The following TMEFF2 variants were observed in gnomAD, a reference collection of about 807,000 sequenced individuals.
TMEFF2 encodes transmembrane protein with EGF like and two follistatin like domains 2, also known as tomoregulin-2.
A neutral mutation model predicts 53.8 loss-of-function variants in TMEFF2; 28 were observed. The ratio of observed to expected loss-of-function variants is 0.52; its 90% CI spans 0.39 to 0.71. The LOEUF (loss-of-function observed/expected upper bound fraction) is 0.71, where lower values mean the gene tolerates loss of function less well. TMEFF2 is among the 30% of genes least tolerant of loss of function. The probability of loss-of-function intolerance (pLI) is 0.00; values close to 1 mark genes in which losing one functional copy is unlikely to be tolerated. For synonymous variants in TMEFF2, 162 were observed against 166.3 expected (o/e 0.97, Z 0.20); for missense variants, 353 against 455.2 (o/e 0.78, Z 2.04).
intron 5 of TMEFF2, among the ~76,000 whole-genome samples, chr2:192,018,591 G>A (rs1192936056): frequency 6.6e-6 from 1 of 152,010 alleles, no homozygotes; most frequent in Non-Finnish European, 1.5e-5. Context: ...ATGCTGGGTG[G>A]GGATCAGCTG....
At chr2:192,150,030 C>A (rs976626242) in intron 4 of TMEFF2, among the ~76,000 whole-genome samples, 6 of 151,938 alleles carry the variant, frequency 3.9e-5, no homozygotes, top group African/African-American at 1.4e-4. Context: ...TGTTGCCAGG[C>A]ACTATTTAGA....
At chr2:192,031,175 A>C (rs897435536) in intron 5 of TMEFF2, among the ~76,000 whole-genome samples, 3 of 152,204 alleles carry the variant, frequency 2.0e-5, no homozygotes, top group Admixed American at 6.5e-5. Flanking sequence ...ACTCTTGTCC[A>C]ATATATCCTA....
At chr2:192,005,745 C>T (rs932121905) in intron 5 of TMEFF2, among the ~76,000 whole-genome samples, 3 of 152,096 alleles carry the variant, frequency 2.0e-5, no homozygotes, top group African/African-American at 7.2e-5. Context: ...TGATCCCTGT[C>T]AGATCTGTAA....
intron 4 of TMEFF2, among the ~76,000 whole-genome samples, chr2:192,070,034 A>C: frequency 8.4e-6 from 1 of 119,108 alleles, no homozygotes; most frequent in Non-Finnish European, 1.7e-5. Flanking sequence ...ATATATATAT[A>C]TATATATATG....
At chr2:192,062,134 C>T (rs76189033) in intron 4 of TMEFF2, among the ~76,000 whole-genome samples, 2,045 of 152,100 alleles carry the variant, frequency 0.013, 58 homozygotes, top group African/African-American at 0.046. Flanking sequence ...CAGAAAGTTC[C>T]CTGGTTACCC....
chr2:192,051,433 C>T (rs556355697), intron 5 of TMEFF2, among the ~76,000 whole-genome samples: 6 of 152,202 alleles, frequency 3.9e-5, no homozygotes, highest in Admixed American at 2.6e-4. Context: ...CCAAGTCTGA[C>T]CTTTTTACTT....
At chr2:192,075,228 A>G (rs12998399) in intron 4 of TMEFF2, among the ~76,000 whole-genome samples, 47,141 of 141,360 alleles carry the variant, frequency 0.33, 8,260 homozygotes, top group Non-Finnish European at 0.38. Flanking sequence ...TATAGTTTGG[A>G]TTAGCATGCC....
intron 5 of TMEFF2, among the ~76,000 whole-genome samples, chr2:192,002,038 T>TTTATTTATTA (rs112135470): frequency 6.8e-6 from 1 of 148,136 alleles, no homozygotes; most frequent in African/African-American, 2.5e-5. Context: ...TTATTTATTA[T>TTTATTTATTA]TTTTCAGTTT....
intron 8 of TMEFF2, among the ~76,000 whole-genome samples, chr2:191,955,414 C>A (rs1692043210): frequency 6.7e-6 from 1 of 150,214 alleles, no homozygotes. Flanking sequence ...AGTGGTGTGA[C>A]CATAGCTCAC....
chr2:192,041,790 C>T (rs546515955), intron 5 of TMEFF2, among the ~76,000 whole-genome samples: 3 of 152,098 alleles, frequency 2.0e-5, no homozygotes, highest in South Asian at 2.1e-4. Flanking sequence ...CTAGGGAAGC[C>T]GTAGAAAAGG....
chr2:191,984,219 A>T (rs746360123), intron 7 of TMEFF2, among the ~76,000 whole-genome samples: 2 of 152,136 alleles, frequency 1.3e-5, no homozygotes, highest in Admixed American at 6.6e-5. Flanking sequence ...TATACAAGGG[A>T]TATTAGCTAT....
At chr2:192,087,923 A>T (rs1383489095) in intron 4 of TMEFF2, among the ~76,000 whole-genome samples, 1 of 152,194 alleles carries the variant, frequency 6.6e-6, no homozygotes, top group East Asian at 1.9e-4. Context: ...TTTACTTATA[A>T]AGAATTAAAT....
intron 4 of TMEFF2, among the ~76,000 whole-genome samples, chr2:192,152,320 T>C (rs1225145517): frequency 6.6e-6 from 1 of 151,944 alleles, no homozygotes; most frequent in Non-Finnish European, 1.5e-5. Context: ...CTATATGGTT[T>C]TCAATTCACC....
At chr2:192,079,717 TA>T (rs1688510526) in intron 4 of TMEFF2, among the ~76,000 whole-genome samples, 1 of 152,212 alleles carries the variant, frequency 6.6e-6, no homozygotes, top group South Asian at 2.1e-4. Context: ...ATCAGCTTTC[TA>T]AAAATAAATT....
At chr2:192,072,775 G>A (rs1260975096) in intron 4 of TMEFF2, among the ~76,000 whole-genome samples, 4 of 151,922 alleles carry the variant, frequency 2.6e-5, no homozygotes, top group Non-Finnish European at 5.9e-5. Flanking sequence ...GGTATTGACA[G>A]CATTTTTAAA....
chr2:191,994,758 T>C (rs1449594844), intron 7 of TMEFF2, among the ~76,000 whole-genome samples: 2 of 151,976 alleles, frequency 1.3e-5, no homozygotes, highest in African/African-American at 2.4e-5. Context: ...TCTGTGGGTG[T>C]AGAGACAGAC....
chr2:192,118,657 TTA>T (rs1266650173), intron 4 of TMEFF2, among the ~76,000 whole-genome samples: 1 of 152,142 alleles, frequency 6.6e-6, no homozygotes, highest in Non-Finnish European at 1.5e-5. Context: ...TTTTAAAAAA[TTA>T]TAACAATTTG....
rs144271360 is a variant in TMEFF2 at position 192,134,688 on chromosome 2, T to C, written c.439+44980A>G. Among the ~76,000 whole-genome samples the C allele has an allele frequency of 4.6e-5, 7 of 152,292 alleles. No individual in the cohort carries two copies. In the East Asian group the frequency reaches 9.6e-4, roughly 21 times the overall value. ...ATGCCCTGAGTCACAAAAACTAAAA[T>C]GCCTCTTAGTCTAAGTAGACACTTT... On this transcript the variant is annotated intron_variant, in intron 4 of 9. Coordinates refer to ENST00000272771, the MANE Select transcript of TMEFF2 (RefSeq NM_016192.4).
At chr2:191,969,566 AG>A (rs1313954770) in intron 7 of TMEFF2, among the ~76,000 whole-genome samples, 5 of 152,202 alleles carry the variant, frequency 3.3e-5, no homozygotes, top group African/African-American at 1.2e-4. Context: ...AAAGACAAGA[AG>A]GATATCCATG....
Sources: gnomAD v4.1 joint callset for allele counts (sites outside exome capture counted in the v4.1 genomes callset) on GRCh38, gnomAD v4.1.1 for gene constraint, MANE v1.5 for transcripts, NCBI Gene and HGNC (gene_info 2026-07-23, HGNC 2026-07-21) for gene names.